The following MACROD2 variants were observed in gnomAD, a reference collection of about 807,000 sequenced individuals.
The protein encoded by MACROD2 is mono-ADP ribosylhydrolase 2.
Under a neutral mutation model 70.4 loss-of-function variants are expected in MACROD2, and 36 were observed. The ratio of observed to expected loss-of-function variants is 0.51; its 90% CI spans 0.39 to 0.68. The LOEUF is 0.68. Among genes scored for constraint, MACROD2 ranks in the 30% least tolerant of loss-of-function variants. MACROD2 has a pLI of 0.00. For synonymous variants in MACROD2, 172 were observed against 178.8 expected, an observed-to-expected ratio of 0.96 and a Z score of 0.30; for missense variants, 496 against 538.4, an observed-to-expected ratio of 0.92 and a Z score of 0.78.
intron 3 of MACROD2, among the ~76,000 whole-genome samples, chr20:14,259,851 A>G (rs150595377): frequency 2.0e-5 from 3 of 152,362 alleles, no homozygotes; most frequent in Admixed American, 2.0e-4. Flanking sequence ...TTTATGGGAT[A>G]TAGAGGGGAG....
At chr20:15,509,796 G>T (rs913813231) in intron 8 of MACROD2, among the ~76,000 whole-genome samples, 1 of 152,154 alleles carries the variant, frequency 6.6e-6, no homozygotes. Context: ...AAATAGGGAG[G>T]GTGGGCATGT....
intron 6 of MACROD2, among the ~76,000 whole-genome samples, chr20:15,244,083 A>G (rs2077084589): frequency 6.6e-6 from 1 of 152,200 alleles, no homozygotes; most frequent in Non-Finnish European, 1.5e-5. Context: ...ATATTTTACT[A>G]TTACCTATGC....
intron 6 of MACROD2, among the ~76,000 whole-genome samples, chr20:15,302,604 A>G (rs914383600): frequency 6.6e-6 from 1 of 151,982 alleles, no homozygotes; most frequent in African/African-American, 2.4e-5. Flanking sequence ...GACATTTTCT[A>G]CTCTGGGTTG....
At chr20:15,921,614 T>C (rs2065408285) in intron 10 of MACROD2, among the ~76,000 whole-genome samples, 1 of 152,238 alleles carries the variant, frequency 6.6e-6, no homozygotes, top group African/African-American at 2.4e-5. Flanking sequence ...TCTTGTTTGT[T>C]AGAAGCCATC....
chr20:14,545,195 A>C (rs2085478321), intron 4 of MACROD2, among the ~76,000 whole-genome samples: 1 of 152,192 alleles, frequency 6.6e-6, no homozygotes, highest in Non-Finnish European at 1.5e-5. Flanking sequence ...AATTTACCCT[A>C]CAGGTTTGAG....
At chr20:15,974,462 G>C (rs1035558456) in intron 13 of MACROD2, among the ~76,000 whole-genome samples, 39 of 152,120 alleles carry the variant, frequency 2.6e-4, no homozygotes, top group Admixed American at 7.2e-4. Flanking sequence ...TGACATTCTG[G>C]AAAGGCAAAA....
At chr20:14,792,408 C>T (rs974487294) in intron 5 of MACROD2, among the ~76,000 whole-genome samples, 14 of 152,034 alleles carry the variant, frequency 9.2e-5, no homozygotes, top group African/African-American at 3.4e-4. Flanking sequence ...TTTTTGTTCT[C>T]TAAGATTTTA....
At chr20:16,001,107 A>G (rs934516987) in intron 15 of MACROD2, among the ~76,000 whole-genome samples, 1 of 152,206 alleles carries the variant, frequency 6.6e-6, no homozygotes, top group Non-Finnish European at 1.5e-5. Context: ...TTTCAAATGT[A>G]AGTGCTGCTT....
rs1278628771 is a variant in MACROD2, at chr20:15,521,287, T to C, written c.645+21440T>C. The stretch of plus-strand genomic sequence containing the variant: ...CAGTGAGCATGGCAGGGATTTCCAT[T>C]AATAATAAAGACATTCTAGAGATGT... On this transcript the variant is annotated intron_variant, in intron 8 of 17. Transcript: ENST00000684519. Among the ~76,000 whole-genome samples the C allele has an allele frequency of 2.0e-5, 3 of 152,160 alleles. No homozygotes were observed. The East Asian group carries it at 5.8e-4, about 29-fold the overall frequency.
At chr20:14,573,807 G>C (rs990103450) in intron 4 of MACROD2, among the ~76,000 whole-genome samples, 2 of 152,116 alleles carry the variant, frequency 1.3e-5, no homozygotes, top group Non-Finnish European at 2.9e-5. Context: ...TATAGCTGCT[G>C]GTTAAACCCA....
intron 8 of MACROD2, among the ~76,000 whole-genome samples, chr20:15,562,443 A>G (rs946075165): frequency 5.9e-5 from 9 of 152,166 alleles, no homozygotes; most frequent in Non-Finnish European, 1.2e-4. Flanking sequence ...GTCTCCTAAT[A>G]TTTTTTAACT....
intron 4 of MACROD2, among the ~76,000 whole-genome samples, chr20:14,546,046 G>A (rs4814311): frequency 0.2 from 30,907 of 151,998 alleles, 3,725 homozygotes; most frequent in Non-Finnish European, 0.27. Context: ...TTTGATGAAT[G>A]GGAACAAATT....
intron 8 of MACROD2, among the ~76,000 whole-genome samples, chr20:15,819,414 T>A (rs2063914035): frequency 7.0e-6 from 1 of 142,996 alleles, no homozygotes; most frequent in South Asian, 2.1e-4. Context: ...TATATATATT[T>A]ATATAAATAT....
chr20:14,750,847 T>C (rs958474724), intron 5 of MACROD2, among the ~76,000 whole-genome samples: 3 of 152,082 alleles, frequency 2.0e-5, no homozygotes, highest in African/African-American at 7.3e-5. Context: ...ATATGTTTTA[T>C]AAATCACTAA....
intron 8 of MACROD2, among the ~76,000 whole-genome samples, chr20:15,823,640 C>T (rs903816639): frequency 2.0e-5 from 3 of 152,202 alleles, no homozygotes; most frequent in South Asian, 4.1e-4. Flanking sequence ...ATGCTTGGTT[C>T]GCAACTGCAA....
At chr20:15,109,712 T>C (rs2075939992) in intron 5 of MACROD2, among the ~76,000 whole-genome samples, 2 of 152,150 alleles carry the variant, frequency 1.3e-5, no homozygotes, top group Admixed American at 6.6e-5. Flanking sequence ...TATGCATAAA[T>C]ACGTGCACAA....
chr20:15,355,529 T>A (rs569546688), intron 6 of MACROD2, among the ~76,000 whole-genome samples: 10 of 152,286 alleles, frequency 6.6e-5, no homozygotes, highest in African/African-American at 2.4e-4. Flanking sequence ...ATAATTTTTA[T>A]TGAGGTTTCA....
intron 5 of MACROD2, among the ~76,000 whole-genome samples, chr20:14,706,657 C>A (rs2071273613): frequency 6.6e-6 from 1 of 152,142 alleles, no homozygotes; most frequent in Admixed American, 6.5e-5. Flanking sequence ...CAAACTGCAA[C>A]CAGCCCGGCT....
At chr20:15,992,504 C>G (rs975954653) in intron 15 of MACROD2, among the ~76,000 whole-genome samples, 1 of 152,104 alleles carries the variant, frequency 6.6e-6, no homozygotes, top group Non-Finnish European at 1.5e-5. Flanking sequence ...CCCTTCACTC[C>G]GTGCAGTACC....
Sources: gnomAD v4.1 joint callset for allele counts (sites outside exome capture counted in the v4.1 genomes callset) on GRCh38, gnomAD v4.1.1 for gene constraint, MANE v1.5 for transcripts, NCBI Gene and HGNC (gene_info 2026-07-23, HGNC 2026-07-21) for gene names.